The following ULK4 variants were observed in gnomAD, a reference collection of about 807,000 sequenced individuals.
ULK4 encodes inactive serine/threonine-protein kinase ULK4.
Under a neutral mutation model 160.6 loss-of-function variants are expected in ULK4, and 133 were observed. That is an observed-to-expected ratio of 0.83 (90% CI 0.72 to 0.96). ULK4 has a LOEUF of 0.96. Among genes scored for constraint, ULK4 ranks in the 40% least tolerant of loss-of-function variants. ULK4 has a pLI of 0.00. For synonymous variants in ULK4, 534 were observed against 539.8 expected (o/e 0.99, Z 0.15); for missense variants, 1,580 against 1,499.5 (o/e 1.05, Z -0.89).
chr3:41,339,392 T>C (rs1396586203), intron 35 of ULK4, among the ~76,000 whole-genome samples: 1 of 152,120 alleles, frequency 6.6e-6, no homozygotes, highest in Non-Finnish European at 1.5e-5. Flanking sequence ...CCCAGGACCC[T>C]GGCCTCAAGT....
intron 35 of ULK4, among the ~76,000 whole-genome samples, chr3:41,306,890 G>C (rs1405609795): frequency 6.6e-6 from 1 of 151,538 alleles, no homozygotes; most frequent in Admixed American, 6.6e-5. Flanking sequence ...GTCCACTCAG[G>C]GTTAAATGGA....
chr3:41,793,029 C>T (rs977907889), intron 20 of ULK4, among the ~76,000 whole-genome samples: 1 of 152,064 alleles, frequency 6.6e-6, no homozygotes, highest in Non-Finnish European at 1.5e-5. Context: ...AAAAATTAGC[C>T]GCACCTGCTG....
At position 41,315,344 on chromosome 3, in the gene ULK4, G is replaced by C. The variant is rs116367973; in HGVS notation, c.3679-65770C>G. ...TTCATTTCTGAGAAAATGCCTGCCA[G>C]ATACTCAAGCCTAATCATGGTTTGC... is the stretch of plus-strand genomic sequence containing the variant. On this transcript the variant is annotated intron_variant, in intron 35 of 36. Coordinates refer to ENST00000301831, the MANE Select transcript of ULK4 (RefSeq NM_017886.4). Among the ~76,000 whole-genome samples, 1,019 of 152,260 alleles carry C rather than the reference G, an allele frequency of 6.7e-3. 3 individuals carry two copies. Among genetic ancestry groups the C allele is most frequent in the Middle Eastern group, 0.031 (9 of 294 alleles).
At chr3:41,633,905 C>T (rs2033848105) in intron 30 of ULK4, among the ~76,000 whole-genome samples, 1 of 152,084 alleles carries the variant, frequency 6.6e-6, no homozygotes, top group Admixed American at 6.5e-5. Context: ...GCTCCCTGTG[C>T]AATGATGCAC....
At chr3:41,593,567 T>C (rs1045275735) in intron 31 of ULK4, among the ~76,000 whole-genome samples, 2 of 152,206 alleles carry the variant, frequency 1.3e-5, no homozygotes, top group African/African-American at 4.8e-5. Flanking sequence ...TATATTTACA[T>C]CAGTAACTAC....
At chr3:41,483,659 C>T (rs2084405930) in intron 32 of ULK4, among the ~76,000 whole-genome samples, 1 of 152,140 alleles carries the variant, frequency 6.6e-6, no homozygotes, top group Non-Finnish European at 1.5e-5. Context: ...TGCTCCCCCA[C>T]CCCACCCAAA....
chr3:41,611,253 C>T (rs756305664), intron 31 of ULK4, among the ~76,000 whole-genome samples: 5 of 152,226 alleles, frequency 3.3e-5, no homozygotes, highest in Non-Finnish European at 5.9e-5. Context: ...CCCTGTCCAT[C>T]ACAGCTGCCT....
intron 4 of ULK4, among the ~76,000 whole-genome samples, chr3:41,932,555 G>C (rs1372280132): frequency 6.6e-6 from 1 of 152,188 alleles, no homozygotes; most frequent in East Asian, 1.9e-4. Flanking sequence ...AGGATTAATC[G>C]AAGTTATGCA....
In ULK4 at chr3:41,544,574, A is replaced by G. The variant is rs77840604; in HGVS notation, c.3226+21451T>C. On this transcript the variant is annotated intron_variant, in intron 32 of 36. Coordinates refer to ENST00000301831, the MANE Select transcript of ULK4 (RefSeq NM_017886.4). ...GTCTCCAGTGGATATTTCCTTCCCT[A>G]AAACTTCTTTTAAGTTTCTTCACAA... 1.3e-3 allele frequency among the ~76,000 whole-genome samples: 198 copies of G among 152,306 alleles called. 1 individual carries two copies. In the East Asian group the frequency reaches 0.034, roughly 26 times the overall value.
rs1699839450 is a variant in ULK4 at position 41,938,161 on chromosome 3, C to A, written c.175G>T (p.Val59Leu). 6.2e-7 allele frequency: 1 copy of A among 1,612,998 alleles called. No individual in the cohort carries two copies. Among genetic ancestry groups the A allele is most frequent in the Non-Finnish European group, 8.5e-7 (1 of 1,179,592 alleles). The part of the protein sequence containing the change: ...LTREIKHKNI[V>L]TFHEWYETSN... Reference sequence around the variant, plus strand: ...GTTTCATACCATTCATGAAAAGTTACAATATTCTTGTGTTTTATTTCACGG... The same window carrying A: ...GTTTCATACCATTCATGAAAAGTTAAAATATTCTTGTGTTTTATTTCACGG... Residue 59 changes from valine (V) to leucine (L), a missense_variant, in exon 3 of 37, where the codon GTA becomes TTA. By Grantham distance (32) the Val-to-Leu change is conservative. Coordinates refer to ENST00000301831, the MANE Select transcript of ULK4 (RefSeq NM_017886.4).
intron 32 of ULK4, among the ~76,000 whole-genome samples, chr3:41,539,035 G>GT (rs11425607): frequency 0.32 from 45,228 of 139,682 alleles, 7,386 homozygotes; most frequent in African/African-American, 0.37. Context: ...CTTTTTCTTA[G>GT]TTTTTTTTTT....
intron 17 of ULK4, among the ~76,000 whole-genome samples, chr3:41,849,820 TTTA>T (rs2042165464): frequency 1.3e-5 from 2 of 152,174 alleles, no homozygotes; most frequent in Non-Finnish European, 2.9e-5. Flanking sequence ...TTAAAGAATT[TTTA>T]TTATTATACT....
intron 35 of ULK4, among the ~76,000 whole-genome samples, chr3:41,300,840 TATATATATATATATATA>T (rs2079776337): frequency 3.6e-4 from 8 of 22,208 alleles, no homozygotes; most frequent in African/African-American, 1.2e-3. Flanking sequence ...TTACAGATTA[TATATATATATATATATA>T]TATATATATA....
At chr3:41,482,834 T>C (rs865884412) in intron 32 of ULK4, among the ~76,000 whole-genome samples, 1 of 152,210 alleles carries the variant, frequency 6.6e-6, no homozygotes, top group African/African-American at 2.4e-5. Context: ...GAGCTTTAAA[T>C]AGTTTATTGT....
At chr3:41,765,651 A>T (rs2039137805) in intron 21 of ULK4, among the ~76,000 whole-genome samples, 1 of 152,168 alleles carries the variant, frequency 6.6e-6, no homozygotes, top group Admixed American at 6.5e-5. Context: ...TAAAAGACAG[A>T]CTATTCATTA....
chr3:41,744,137 AC>A (rs1286588504), intron 22 of ULK4, among the ~76,000 whole-genome samples: 1 of 151,920 alleles, frequency 6.6e-6, no homozygotes, highest in Non-Finnish European at 1.5e-5. Context: ...TGTTCAGATA[AC>A]CCAAAGAAAG....
intron 35 of ULK4, among the ~76,000 whole-genome samples, chr3:41,354,800 C>T (rs534611375): frequency 1.3e-5 from 2 of 152,334 alleles, no homozygotes; most frequent in Non-Finnish European, 2.9e-5. Context: ...GTATTCATTA[C>T]AGACACATGT....
intron 21 of ULK4, among the ~76,000 whole-genome samples, chr3:41,772,640 T>G (rs1268053826): frequency 6.6e-6 from 1 of 152,022 alleles, no homozygotes; most frequent in Non-Finnish European, 1.5e-5. Context: ...CTACCAGAGG[T>G]ACAAGGAGGA....
chr3:41,341,968 T>C lies in ULK4; in HGVS notation c.3678+56111A>G, dbSNP rs148443395. 9.2e-4 allele frequency among the ~76,000 whole-genome samples: 140 copies of C among 152,338 alleles called. 4 individuals are homozygous for C. The East Asian group carries it at 0.024, about 26-fold the overall frequency. ...GAACTAATTATAACAAATTTTACTA[T>C]ATTAAAAGCCAATGCAGCACATTTC... On this transcript the variant is annotated intron_variant, in intron 35 of 36. Coordinates refer to ENST00000301831, the MANE Select transcript of ULK4 (RefSeq NM_017886.4).
Sources: gnomAD v4.1 joint callset for allele counts (sites outside exome capture counted in the v4.1 genomes callset) on GRCh38, gnomAD v4.1.1 for gene constraint, MANE v1.5 for transcripts, NCBI Gene and HGNC (gene_info 2026-07-23, HGNC 2026-07-21) for gene names.